The following LRIG1 variants were observed in gnomAD, a reference collection of about 807,000 sequenced individuals.
The protein encoded by LRIG1 is leucine rich repeats and immunoglobulin like domains 1.
In LRIG1, 48 loss-of-function variants were observed where a neutral mutation model predicts 99.2. The observed-to-expected ratio is 0.48, with a 90% CI of 0.38 to 0.62. The LOEUF (loss-of-function observed/expected upper bound fraction) is 0.62, where lower values mean the gene tolerates loss of function less well. Among genes scored for constraint, LRIG1 ranks in the 20% least tolerant of loss-of-function variants. The pLI, the probability that LRIG1 is intolerant of heterozygous loss-of-function variation, is 0.00. For synonymous variants in LRIG1, 772 were observed against 596.1 expected (o/e 1.29, Z -4.30); for missense variants, 1,646 against 1,434.4 (o/e 1.15, Z -2.38).
chr3:66,382,529 G>T (rs751876918), intron 15 of LRIG1, 131 bp from the exon 16 acceptor site: 10 of 1,070,212 alleles, frequency 9.3e-6, no homozygotes, highest in Non-Finnish European at 1.3e-5. Context: ...AGATGACATG[G>T]AGTCCATGTA....
intron 1 of LRIG1, among the ~76,000 whole-genome samples, chr3:66,488,031 T>C (rs1200822059): frequency 6.6e-6 from 1 of 151,966 alleles, no homozygotes; most frequent in Non-Finnish European, 1.5e-5. Context: ...AAATTTTAAA[T>C]CCGGAAGTTT....
intron 1 of LRIG1, among the ~76,000 whole-genome samples, chr3:66,474,490 C>T (rs939166021): frequency 1.3e-5 from 2 of 151,966 alleles, no homozygotes; most frequent in Non-Finnish European, 2.9e-5. Flanking sequence ...GGATTACAGG[C>T]GCCCGCCACT....
chr3:66,449,053 A>C (rs1703814938), intron 3 of LRIG1, among the ~76,000 whole-genome samples: 1 of 152,240 alleles, frequency 6.6e-6, no homozygotes, highest in Non-Finnish European at 1.5e-5. Flanking sequence ...GGGGCTGCTA[A>C]GTCTTCTGCC....
intron 3 of LRIG1, among the ~76,000 whole-genome samples, chr3:66,424,660 T>C (rs1271139527): frequency 6.6e-6 from 1 of 152,212 alleles, no homozygotes; most frequent in Non-Finnish European, 1.5e-5. Context: ...GGGCAAAGCA[T>C]CAATGCCATC....
intron 1 of LRIG1, among the ~76,000 whole-genome samples, chr3:66,465,373 T>TA (rs1326142245): frequency 2.8e-5 from 4 of 145,448 alleles, no homozygotes. Flanking sequence ...TTTTTTTTTT[T>TA]TTTTTTTTTG....
chr3:66,413,090 G>C, intron 5 of LRIG1, 76 bp from the exon 6 acceptor site: 2 of 1,552,276 alleles, frequency 1.3e-6, no homozygotes, highest in South Asian at 2.3e-5. Flanking sequence ...AGCAGTCCTG[G>C]CTAAGTTTCC....
Position 66,456,745 on chromosome 3 carries a change from T to C in LRIG1, c.291-5112A>G, listed in dbSNP as rs114589819. On this transcript the variant is annotated intron_variant, in intron 2 of 18. Coordinates refer to ENST00000273261, the MANE Select transcript of LRIG1 (RefSeq NM_015541.3). ...CTGACACAGTGCGATGAACCACAAA[T>C]ACCCAATAGCAGGCAGGGCACACTT... Among the ~76,000 whole-genome samples, 703 of 152,012 alleles carry C rather than the reference T, an allele frequency of 4.6e-3. 11 individuals are homozygous for C. Among genetic ancestry groups the C allele is most frequent in the African/African-American group, 0.012 (508 of 41,456 alleles).
chr3:66,416,155 A>G (rs1702608867), intron 4 of LRIG1, among the ~76,000 whole-genome samples: 1 of 152,188 alleles, frequency 6.6e-6, no homozygotes, highest in Admixed American at 6.5e-5. Flanking sequence ...TTAGTGTAGC[A>G]GTTATGGTTT....
intron 2 of LRIG1, among the ~76,000 whole-genome samples, chr3:66,461,292 G>A (rs769264466): frequency 6.6e-5 from 10 of 152,206 alleles, no homozygotes; most frequent in African/African-American, 7.2e-5. Flanking sequence ...GCAACAGAGC[G>A]AGACCCTGTC....
At chr3:66,498,441 G>A (rs1188206986) in intron 1 of LRIG1, among the ~76,000 whole-genome samples, 1 of 151,978 alleles carries the variant, frequency 6.6e-6, no homozygotes, top group Non-Finnish European at 1.5e-5. Flanking sequence ...CCCTCTCTGG[G>A]AAGTTACTTC....
chr3:66,435,938 A>T (rs1306590879), intron 3 of LRIG1, among the ~76,000 whole-genome samples: 1 of 152,238 alleles, frequency 6.6e-6, no homozygotes, highest in African/African-American at 2.4e-5. Flanking sequence ...ACTAGTCTCC[A>T]GCCATCCTTC....
chr3:66,460,697 C>T (rs1700336171), intron 2 of LRIG1, among the ~76,000 whole-genome samples: 1 of 152,192 alleles, frequency 6.6e-6, no homozygotes, highest in African/African-American at 2.4e-5. Flanking sequence ...TCAAGGCACC[C>T]AGCCTGTGCT....
At chr3:66,459,553 G>A (rs1021945701) in intron 2 of LRIG1, among the ~76,000 whole-genome samples, 18 of 152,126 alleles carry the variant, frequency 1.2e-4, no homozygotes, top group African/African-American at 4.1e-4. Flanking sequence ...CACTGTTTCC[G>A]TTATCAAGCC....
chr3:66,435,620 G>A (rs2106758315), intron 3 of LRIG1, among the ~76,000 whole-genome samples: 1 of 152,174 alleles, frequency 6.6e-6, no homozygotes, highest in Admixed American at 6.5e-5. Context: ...AGGGCAAGAA[G>A]TAAATGACTG....
At chr3:66,381,215 A>G (rs1442119063) in intron 17 of LRIG1, among the ~76,000 whole-genome samples, 6 of 152,316 alleles carry the variant, frequency 3.9e-5, no homozygotes, top group South Asian at 4.1e-4. Context: ...CTGAAACTCT[A>G]TACTTCGTTT....
At chr3:66,425,490 G>A (rs1295885111) in intron 3 of LRIG1, among the ~76,000 whole-genome samples, 1 of 152,232 alleles carries the variant, frequency 6.6e-6, no homozygotes, top group Admixed American at 6.5e-5. Flanking sequence ...TTGAGATCTT[G>A]AAAGATCTGC....
At chr3:66,438,848 G>A (rs373370265) in intron 3 of LRIG1, among the ~76,000 whole-genome samples, 2 of 152,316 alleles carry the variant, frequency 1.3e-5, no homozygotes, top group African/African-American at 2.4e-5. Flanking sequence ...AACAACTCAC[G>A]CCTTTTGGCT....
At chr3:66,427,123 T>C (rs998483265) in intron 3 of LRIG1, among the ~76,000 whole-genome samples, 1 of 152,214 alleles carries the variant, frequency 6.6e-6, no homozygotes, top group Non-Finnish European at 1.5e-5. Context: ...AAAGTGATCC[T>C]GGCAGACAGG....
At chr3:66,446,033 C>A (rs1391234737) in intron 3 of LRIG1, among the ~76,000 whole-genome samples, 1 of 152,238 alleles carries the variant, frequency 6.6e-6, no homozygotes, top group Admixed American at 6.5e-5. Context: ...CTGCCTCTCT[C>A]TAAGGCTCAC....
Sources: gnomAD v4.1 joint callset for allele counts (sites outside exome capture counted in the v4.1 genomes callset) on GRCh38, gnomAD v4.1.1 for gene constraint, MANE v1.5 for transcripts, NCBI Gene and HGNC (gene_info 2026-07-23, HGNC 2026-07-21) for gene names.